The following IGSF10 variants were observed in gnomAD, a reference collection of about 807,000 sequenced individuals.
IGSF10 encodes the protein calvaria mechanical force protein 608.
A neutral mutation model predicts 128.2 loss-of-function variants in IGSF10; 126 were observed. The observed-to-expected ratio is 0.98, with a 90% CI of 0.85 to 1.14. The LOEUF is 1.14. Among genes scored for constraint, IGSF10 ranks in the 50% most tolerant of loss-of-function variants. The pLI, the probability that IGSF10 is intolerant of heterozygous loss-of-function variation, is 0.00. For synonymous variants in IGSF10, 1,185 were observed against 1,146.2 expected (o/e 1.03, Z -0.68); for missense variants, 3,295 against 3,149.8 (o/e 1.05, Z -1.10).
At chr3:151,501,185 G>A in the IGSF10 span, among the ~76,000 whole-genome samples, 20 of 152,012 alleles carry the variant, frequency 1.3e-4, no homozygotes, top group African/African-American at 4.6e-4. Flanking sequence ...TGATCCGTAA[G>A]GCAGTTTGAG....
At chr3:151,460,826 C>A in intron 1 of IGSF10, 120 bp downstream of exon 1, 2 of 606,450 alleles carry the variant, frequency 3.3e-6, no homozygotes, top group Non-Finnish European at 4.1e-6. Flanking sequence ...CCCCCACCCT[C>A]AGCCCTCCCC....
the IGSF10 span, among the ~76,000 whole-genome samples, chr3:151,580,965 T>A: frequency 5.3e-5 from 8 of 152,042 alleles, no homozygotes; most frequent in Middle Eastern, 3.4e-3. Flanking sequence ...TTTTTTTTTT[T>A]AAATAGAGAG....
chr3:151,512,638 C>A, the IGSF10 span, among the ~76,000 whole-genome samples: 1 of 151,852 alleles, frequency 6.6e-6, no homozygotes, highest in Non-Finnish European at 1.5e-5. Context: ...GAAATAGAGA[C>A]ACAAAAAACC....
the IGSF10 span, among the ~76,000 whole-genome samples, chr3:151,555,233 G>A: frequency 6.6e-6 from 1 of 152,078 alleles, no homozygotes; most frequent in Non-Finnish European, 1.5e-5. Context: ...TTGGATTTGA[G>A]CAAGAAGATT....
the IGSF10 span, among the ~76,000 whole-genome samples, chr3:151,550,960 C>T: frequency 1.3e-5 from 2 of 152,122 alleles, no homozygotes; most frequent in Non-Finnish European, 2.9e-5. Context: ...TGCTCCTTGT[C>T]CCCATTGGCT....
chr3:151,554,238 C>T, the IGSF10 span, among the ~76,000 whole-genome samples: 1 of 151,964 alleles, frequency 6.6e-6, no homozygotes, highest in Admixed American at 6.6e-5. Context: ...TTGCTTTTCC[C>T]TTAAATTCCA....
the IGSF10 span, among the ~76,000 whole-genome samples, chr3:151,547,373 T>C: frequency 1.3e-5 from 2 of 151,814 alleles, no homozygotes; most frequent in Admixed American, 6.6e-5. Flanking sequence ...AGTTAGTAAT[T>C]AATCTTACTT....
At chr3:151,432,799 T>A, downstream of IGSF10, 3 of 1,612,900 alleles carry the variant, frequency 1.9e-6, no homozygotes, top group Non-Finnish European at 2.5e-6. Flanking sequence ...TCCTTCACAC[T>A]TCTGAATCTG....
At chr3:151,433,021 T>C (rs1719706179), downstream of IGSF10, 1 of 503,658 alleles carries the variant, frequency 2.0e-6, no homozygotes, top group Non-Finnish European at 3.5e-6. Context: ...TTAAAGTAGG[T>C]TTACAAATGT....
chr3:151,448,909 A>G lies in IGSF10; in HGVS notation c.1072T>C (p.Phe358Leu), dbSNP rs1721370704. The G allele has an allele frequency of 6.2e-7, 1 of 1,614,252 alleles. No individual in the cohort carries two copies. Among genetic ancestry groups the G allele is most frequent in the African/African-American group, 1.3e-5 (1 of 75,068 alleles). Reference sequence around the variant, plus strand: ...ATGTTGCACACCAAAAATGTTGAAAATGAAGTATTTAGCACGATGTAGTCA... The same window carrying G: ...ATGTTGCACACCAAAAATGTTGAAAGTGAAGTATTTAGCACGATGTAGTCA... The part of the protein sequence containing the change: ...ENDYIVLNTS[F>L]STFLVCNIDY... The change falls in exon 6 of 8, where the codon TTT (phenylalanine) becomes CTT (leucine). Residue 358 changes from phenylalanine (F) to leucine (L), a missense_variant. Phe to Leu is a conservative substitution (Grantham distance 22). Transcript: ENST00000282466.
chr3:151,561,174 A>G, the IGSF10 span, among the ~76,000 whole-genome samples: 3 of 152,200 alleles, frequency 2.0e-5, no homozygotes, highest in African/African-American at 7.2e-5. Flanking sequence ...AATCAGAACA[A>G]CAAGCAGCTT....
At chr3:151,492,425 A>T in the IGSF10 span, among the ~76,000 whole-genome samples, 1 of 152,226 alleles carries the variant, frequency 6.6e-6, no homozygotes, top group Non-Finnish European at 1.5e-5. Context: ...AGACTGGTTC[A>T]GCTATTATGG....
At chr3:151,572,762 CT>C in the IGSF10 span, among the ~76,000 whole-genome samples, 1 of 152,078 alleles carries the variant, frequency 6.6e-6, no homozygotes, top group African/African-American at 2.4e-5. Context: ...CTTCTGCAGG[CT>C]TTTGAATGTG....
chr3:151,438,799 G>C (rs1474774315), intron 7 of IGSF10, among the ~76,000 whole-genome samples: 1 of 144,936 alleles, frequency 6.9e-6, no homozygotes, highest in African/African-American at 2.6e-5. Context: ...ACATATTTGA[G>C]ATATATATAT....
At chr3:151,539,390 C>T in the IGSF10 span, among the ~76,000 whole-genome samples, 1 of 152,190 alleles carries the variant, frequency 6.6e-6, no homozygotes, top group African/African-American at 2.4e-5. Flanking sequence ...TAGGCGAATT[C>T]ACTCCACCTG....
At chr3:151,479,822 C>G in the IGSF10 span, among the ~76,000 whole-genome samples, 1 of 152,120 alleles carries the variant, frequency 6.6e-6, no homozygotes, top group South Asian at 2.1e-4. Context: ...AATTTATATC[C>G]TCCTCTTCTA....
At chr3:151,566,124 T>A in the IGSF10 span, 1 of 152,504 alleles carries the variant, frequency 6.6e-6, no homozygotes, top group Non-Finnish European at 1.5e-5. Flanking sequence ...TCATGAGAAC[T>A]CCCTGGCAGA....
At chr3:151,567,170 T>C in the IGSF10 span, among the ~76,000 whole-genome samples, 2 of 152,212 alleles carry the variant, frequency 1.3e-5, no homozygotes, top group African/African-American at 4.8e-5. Context: ...GAAGATTATA[T>C]GCAGTTGAGA....
At chr3:151,494,830 G>A in the IGSF10 span, among the ~76,000 whole-genome samples, 2 of 152,076 alleles carry the variant, frequency 1.3e-5, no homozygotes, top group African/African-American at 4.8e-5. Flanking sequence ...TAATCAGCAA[G>A]GGTTTGTCTG....
Sources: gnomAD v4.1 joint callset for allele counts (sites outside exome capture counted in the v4.1 genomes callset) on GRCh38, gnomAD v4.1.1 for gene constraint, MANE v1.5 for transcripts, NCBI Gene and HGNC (gene_info 2026-07-23, HGNC 2026-07-21) for gene names.